The following NHS variants were observed in gnomAD, a reference collection of about 807,000 sequenced individuals.
NHS encodes the protein actin remodeling regulator NHS.
In NHS, 5 loss-of-function variants were observed where a neutral mutation model predicts 72.5. That is an observed-to-expected ratio of 0.07 (90% CI 0.04 to 0.14). NHS has a LOEUF of 0.14. NHS is among the 10% of genes least tolerant of loss of function. The probability of loss-of-function intolerance (pLI) is 1.00; values close to 1 mark genes in which losing one functional copy is unlikely to be tolerated. For missense variants in NHS, 1,072 were observed against 1,355.7 expected (o/e 0.79, Z 3.29); for synonymous variants, 464 against 547.7 (o/e 0.85, Z 2.13).
At chrX:17,502,104 G>A (rs1421525799) in intron 1 of NHS, among the ~76,000 whole-genome samples, 3 of 111,448 alleles carry the variant, frequency 2.7e-5, no homozygotes, top group African/African-American at 9.8e-5. Context: ...TGTACACTCG[G>A]GAAAAAAGGG....
chrX:17,647,644 C>T (rs1353883307), intron 1 of NHS, among the ~76,000 whole-genome samples: 2 of 112,462 alleles, frequency 1.8e-5, no homozygotes. Context: ...CATAGTTCTT[C>T]TTGGCCCACA....
intron 1 of NHS, among the ~76,000 whole-genome samples, chrX:17,412,269 A>G (rs1421153629): frequency 9.1e-6 from 1 of 110,319 alleles, no homozygotes; most frequent in Non-Finnish European, 1.9e-5. Context: ...TCAAGAACAT[A>G]GCTCAAAAAT....
chrX:17,467,981 A>C (rs775586924), intron 1 of NHS, among the ~76,000 whole-genome samples: 65 of 112,037 alleles, frequency 5.8e-4, no homozygotes, highest in African/African-American at 2.1e-3. Context: ...ATAAATAATC[A>C]TTTTTATTTT....
chrX:17,458,314 G>A (rs953628248), intron 1 of NHS, among the ~76,000 whole-genome samples: 1 of 111,561 alleles, frequency 9.0e-6, no homozygotes, highest in Non-Finnish European at 1.9e-5. Context: ...TGCAGCCTCC[G>A]CCCCCTGGGG....
intron 1 of NHS, among the ~76,000 whole-genome samples, chrX:17,577,620 AT>A (rs2065519100): frequency 9.0e-6 from 1 of 111,468 alleles, no homozygotes; most frequent in African/African-American, 3.3e-5. Flanking sequence ...GAAAACCTCA[AT>A]TTTTCATACT....
chrX:17,488,158 C>T (rs1279227402), intron 1 of NHS, among the ~76,000 whole-genome samples: 2 of 111,487 alleles, frequency 1.8e-5, no homozygotes, highest in Admixed American at 1.9e-4. Context: ...GATTCCCATA[C>T]ATAAGGCACC....
At chrX:17,666,122 G>C (rs2066011582) in intron 1 of NHS, among the ~76,000 whole-genome samples, 1 of 111,805 alleles carries the variant, frequency 8.9e-6, no homozygotes, top group South Asian at 3.7e-4. Flanking sequence ...GGAAGTTTTG[G>C]GTAAAGAAGA....
chrX:17,475,251 A>G (rs1012497093), intron 1 of NHS, among the ~76,000 whole-genome samples: 3 of 112,621 alleles, frequency 2.7e-5, no homozygotes, highest in African/African-American at 9.7e-5. Context: ...CTGGTCCCAG[A>G]GCAGACACGC....
intron 1 of NHS, among the ~76,000 whole-genome samples, chrX:17,570,174 A>G (rs978503058): frequency 8.9e-6 from 1 of 111,842 alleles, no homozygotes; most frequent in East Asian, 2.8e-4. Context: ...TTCCATATGA[A>G]CTTTAAAGTA....
chrX:17,667,544 G>A (rs2066019799), intron 1 of NHS, among the ~76,000 whole-genome samples: 1 of 111,130 alleles, frequency 9.0e-6, no homozygotes, highest in African/African-American at 3.3e-5. Flanking sequence ...CTGCCGAGGT[G>A]TCTCAGGTGG....
intron 1 of NHS, among the ~76,000 whole-genome samples, chrX:17,452,300 A>G (rs997548571): frequency 1.8e-5 from 2 of 111,753 alleles, no homozygotes; most frequent in African/African-American, 6.5e-5. Flanking sequence ...GTGAAAATAA[A>G]AATATGATTT....
At chrX:17,472,406 G>C (rs1026699679) in intron 1 of NHS, among the ~76,000 whole-genome samples, 1 of 111,127 alleles carries the variant, frequency 9.0e-6, no homozygotes, top group Non-Finnish European at 1.9e-5. Context: ...AAGCATATCT[G>C]TAGTGCCCTG....
intron 1 of NHS, among the ~76,000 whole-genome samples, chrX:17,408,947 G>A (rs1019897236): frequency 1.1e-4 from 11 of 102,232 alleles, no homozygotes; most frequent in South Asian, 4.0e-4. Flanking sequence ...AGAAACCGAC[G>A]GAGAGAGGAG....
rs1210748800 is a variant in NHS, at chrX:17,726,446, C to A, written c.2340C>A (p.Asp780Glu). The A allele has an allele frequency of 8.3e-7, 1 of 1,211,996 alleles. No individual in the cohort carries two copies. Among genetic ancestry groups the A allele is most frequent in the East Asian group, 3.0e-5 (1 of 33,840 alleles). ...ACACTAGCTCTCACTTTTCAGTAGA[C>A]ACGGAAGGATACTATACCTCCATGC... ...KADTSSHFSVDTEGYYTSMHF... is the reference protein window; with the variant it reads ...KADTSSHFSVETEGYYTSMHF... The change falls in exon 7 of 9, where the codon GAC becomes GAA. Residue 780 changes from aspartate to glutamate, a missense_variant. By Grantham distance (45) the Asp-to-Glu change is conservative (BLOSUM62 2). Coordinates refer to ENST00000676302, the MANE Select transcript of NHS (RefSeq NM_001291867.2).
At chrX:17,499,120 TCTAGCACTGG>T (rs1249834114) in intron 1 of NHS, among the ~76,000 whole-genome samples, 1 of 111,981 alleles carries the variant, frequency 8.9e-6, no homozygotes, top group Non-Finnish European at 1.9e-5. Context: ...CAAAATCTGT[TCTAGCACTGG>T]CTGCAGTTTC....
chrX:17,409,092 C>T (rs994547425), intron 1 of NHS, among the ~76,000 whole-genome samples: 1 of 112,246 alleles, frequency 8.9e-6, no homozygotes, highest in Non-Finnish European at 1.9e-5. Flanking sequence ...TTAGAGCCCC[C>T]GTCTCCAAAT....
intron 1 of NHS, among the ~76,000 whole-genome samples, chrX:17,566,853 G>A (rs1349645338): frequency 1.8e-5 from 2 of 111,058 alleles, no homozygotes; most frequent in African/African-American, 6.5e-5. Flanking sequence ...GGCTAGCCTC[G>A]TGCCATTCAG....
chrX:17,606,987 A>G (rs890034018), intron 1 of NHS, among the ~76,000 whole-genome samples: 2 of 112,469 alleles, frequency 1.8e-5, no homozygotes, highest in South Asian at 3.6e-4. Context: ...CGTGAGGCAC[A>G]TGGGGCACAG....
chrX:17,413,414 T>A (rs1012335499), intron 1 of NHS, among the ~76,000 whole-genome samples: 2 of 112,212 alleles, frequency 1.8e-5, no homozygotes, highest in Non-Finnish European at 3.8e-5. Flanking sequence ...TGGACTTTTT[T>A]AATGTGGGCT....
Sources: gnomAD v4.1 joint callset for allele counts (sites outside exome capture counted in the v4.1 genomes callset) on GRCh38, gnomAD v4.1.1 for gene constraint, MANE v1.5 for transcripts, NCBI Gene and HGNC (gene_info 2026-07-23, HGNC 2026-07-21) for gene names.